Variants in TTLL4 observed in about 807,000 individuals in gnomAD.
TTLL4 encodes tubulin tyrosine ligase like 4, also known as tubulin monoglutamylase TTLL4.
In TTLL4, 85 loss-of-function variants were observed where a neutral mutation model predicts 122.7. The ratio of observed to expected loss-of-function variants is 0.69; its 90% CI spans 0.58 to 0.83. TTLL4 has a LOEUF of 0.83. Among genes scored for constraint, TTLL4 ranks in the 40% least tolerant of loss-of-function variants. The pLI is 0.00. For missense variants in TTLL4, 1,363 were observed against 1,488.6 expected (o/e 0.92, Z 1.39); for synonymous variants, 553 against 563.0 (o/e 0.98, Z 0.25).
At chr2:218,740,301 G>T (rs1347617940) in intron 4 of TTLL4, 134 bp downstream of exon 4, 9 of 952,994 alleles carry the variant, frequency 9.4e-6, no homozygotes, top group African/African-American at 1.6e-5. Flanking sequence ...TTAAGTGGGG[G>T]TAGTGCCTTC....
intron 2 of TTLL4, among the ~76,000 whole-genome samples, chr2:218,733,175 C>T (rs377145620): frequency 6.6e-6 from 1 of 152,108 alleles, no homozygotes; most frequent in Non-Finnish European, 1.5e-5. Context: ...AAGACAGTGG[C>T]CCTTATCCAA....
chr2:218,718,599 AAC>A (rs1941938956), intron 1 of TTLL4, among the ~76,000 whole-genome samples: 1 of 151,944 alleles, frequency 6.6e-6, no homozygotes, highest in African/African-American at 2.4e-5. Flanking sequence ...GCTGGTTTCG[AAC>A]TCTCGACCTC....
At position 218,746,234 on chromosome 2, in the gene TTLL4, A is replaced by T. The variant is rs1232611303; in HGVS notation, c.1974+3A>T. 3.7e-6 allele frequency: 6 copies of T among 1,612,882 alleles called. No homozygotes were observed. The highest frequency in any genetic ancestry group is 5.1e-6 in the Non-Finnish European group (6 of 1,179,666). ...GATCCATTCGAGAGCATCAGAAGGT[A>T]GGGGTCCTTTCTGAGGAGCTGTTTC... On this transcript the variant is annotated splice_donor_region_variant and intron_variant, in intron 8 of 19. Transcript: ENST00000392102.
chr2:218,738,142 A>T lies in TTLL4; in HGVS notation c.466A>T (p.Ser156Cys). 1 of 1,614,028 alleles carries T rather than the reference A, an allele frequency of 6.2e-7. No homozygotes were observed. Among genetic ancestry groups the T allele is most frequent in the Non-Finnish European group, 8.5e-7 (1 of 1,180,000 alleles). ...TCTCCCTCAAAAGAGCCTCCCTGTC[A>T]GTCTCACTGCCAACAAGGCCACTTC... ...FSLPQKSLPV[S>C]LTANKATSSM... is the part of the protein sequence containing the mutation. Residue 156 changes from serine (S) to cysteine (C), a missense_variant, in exon 3 of 20, where the codon AGT (serine) becomes TGT (cysteine). Physicochemically the swap from Ser to Cys is moderately radical, Grantham distance 112 (BLOSUM62 -1). This residue lies in a region of TTLL4 where 760 missense variants were observed against 808.4 expected (regional missense o/e 0.94). Coordinates refer to ENST00000392102, the MANE Select transcript of TTLL4 (RefSeq NM_014640.5).
intron 14 of TTLL4, 125 bp downstream of exon 14, chr2:218,749,512 A>G (rs1942958558): frequency 7.3e-6 from 10 of 1,377,788 alleles, no homozygotes; most frequent in Non-Finnish European, 9.7e-6. Context: ...TCTGTCTCCC[A>G]GGCTGGAGTG....
chr2:218,724,448 C>T (rs1942129397), intron 1 of TTLL4, among the ~76,000 whole-genome samples: 2 of 152,154 alleles, frequency 1.3e-5, no homozygotes, highest in Non-Finnish European at 2.9e-5. Flanking sequence ...TTCCTGGCCT[C>T]TGTTAACCAC....
At position 218,737,709 on chromosome 2, in the gene TTLL4, T is replaced by C. The variant is rs745977672; in HGVS notation, c.33T>C (p.Ile11=). 8.1e-6 allele frequency: 13 copies of C among 1,611,936 alleles called. No individual in the cohort carries two copies. The Admixed American group carries it at 1.0e-4, about 12-fold the overall frequency. ...CAGCAGGAACACAGCACTATAGTAT[T>C]GGCCTCCGCCAGAAAAACAGCTTCA... MASAGTQHYS[I]GLRQKNSFKQ... The change falls in exon 3 of 20, where the codon ATT becomes ATC. Residue 11 remains isoleucine, a synonymous_variant. Coordinates refer to ENST00000392102, the MANE Select transcript of TTLL4 (RefSeq NM_014640.5).
intron 12 of TTLL4, 69 bp downstream of exon 12, chr2:218,748,296 G>C: frequency 6.3e-7 from 1 of 1,591,906 alleles, no homozygotes; most frequent in South Asian, 1.1e-5. Flanking sequence ...GTTTTGGGAG[G>C]TTCAGGGGCA....
chr2:218,737,205 C>G (rs1438345431), intron 2 of TTLL4, among the ~76,000 whole-genome samples: 3 of 152,262 alleles, frequency 2.0e-5, no homozygotes, highest in East Asian at 3.9e-4. Flanking sequence ...CCTAGCCACA[C>G]TGGTTTTGGG....
At chr2:218,740,215 G>C (rs185608838) in intron 4 of TTLL4, 48 bp downstream of exon 4, 1 of 1,568,144 alleles carries the variant, frequency 6.4e-7, no homozygotes, top group African/African-American at 1.3e-5. Flanking sequence ...GTTATGACCT[G>C]TTGGGCAGGG....
At chr2:218,715,186 A>G (rs1011208587) in intron 1 of TTLL4, among the ~76,000 whole-genome samples, 2 of 151,944 alleles carry the variant, frequency 1.3e-5, no homozygotes, top group Non-Finnish European at 2.9e-5. Context: ...CTGGATTTTC[A>G]TATGTTTCTC....
chr2:218,721,244 A>C (rs1942031825), intron 1 of TTLL4, among the ~76,000 whole-genome samples: 1 of 152,088 alleles, frequency 6.6e-6, no homozygotes, highest in Admixed American at 6.5e-5. Flanking sequence ...CCAATTAATT[A>C]ATTAATTAAT....
At chr2:218,721,986 G>T (rs541688822) in intron 1 of TTLL4, among the ~76,000 whole-genome samples, 5 of 152,170 alleles carry the variant, frequency 3.3e-5, no homozygotes, top group African/African-American at 1.2e-4. Flanking sequence ...AAAAAACTCA[G>T]AAGTTAAAAT....
intron 3 of TTLL4, 34 bp from the exon 4 acceptor site, chr2:218,740,024 T>C: frequency 6.3e-7 from 1 of 1,594,936 alleles, no homozygotes; most frequent in Admixed American, 1.7e-5. Flanking sequence ...TTTGATGGAG[T>C]TGACTAGGCT....
At chr2:218,741,329 C>T (rs755112) in intron 5 of TTLL4, among the ~76,000 whole-genome samples, 75,622 of 152,050 alleles carry the variant, frequency 0.5, 19,551 homozygotes, top group African/African-American at 0.61. Flanking sequence ...CTGGCCCTAA[C>T]TTTTAATTAA....
intron 1 of TTLL4, among the ~76,000 whole-genome samples, chr2:218,725,904 C>T (rs776307558): frequency 6.6e-6 from 1 of 152,110 alleles, no homozygotes; most frequent in Non-Finnish European, 1.5e-5. Flanking sequence ...TTATTTTTGA[C>T]AAGTTTGTCT....
chr2:218,748,255 G>GT (rs1242746398), intron 12 of TTLL4, 28 bp downstream of exon 12: 2 of 1,613,588 alleles, frequency 1.2e-6, no homozygotes, highest in African/African-American at 2.7e-5. Context: ...TCCCAGTCCA[G>GT]TGAAGGCCTA....
In TTLL4 at chr2:218,738,667, A is replaced by C. The variant is rs778873088; in HGVS notation, c.991A>C (p.Thr331Pro). 4 of 1,614,094 alleles carry C rather than the reference A, an allele frequency of 2.5e-6. No individual in the cohort carries two copies. The African/African-American group carries it at 5.3e-5, about 22-fold the overall frequency. The change falls in exon 3 of 20, where the codon ACT (threonine) becomes CCT (proline). Residue 331 changes from threonine (T) to proline (P), a missense_variant. Transcript: ENST00000392102. ...LDDSSDSQDP[T>P]KEIRFTEAVR... ...TGACAGCTCTGATTCCCAGGATCCA[A>C]CTAAGGAGATTCGGTTCACTGAGGC...
chr2:218,748,069 C>T (rs1324640722), intron 11 of TTLL4, 36 bp from the exon 12 acceptor site: 1 of 1,613,752 alleles, frequency 6.2e-7, no homozygotes, highest in South Asian at 1.1e-5. Flanking sequence ...TGCTCTGTTA[C>T]CATCTTACCT....
Sources: gnomAD v4.1 joint callset for allele counts (sites outside exome capture counted in the v4.1 genomes callset) on GRCh38, gnomAD v4.1.1 for gene constraint, gnomAD v4.1.1 regional missense constraint, MANE v1.5 for transcripts, NCBI Gene and HGNC (gene_info 2026-07-23, HGNC 2026-07-21) for gene names.